The following ANKRD27 variants were observed in gnomAD, a reference collection of about 807,000 sequenced individuals.
The protein encoded by ANKRD27 is ankyrin repeat domain 27.
ANKRD27 carries 112 observed loss-of-function variants against 129.7 expected under a neutral mutation model. The observed-to-expected ratio is 0.86, with a 90% confidence interval of 0.74 to 1.01. The LOEUF (loss-of-function observed/expected upper bound fraction) is 1.01, where lower values mean the gene tolerates loss of function less well. Ranked by LOEUF, ANKRD27 falls within the 50% of genes least tolerant of loss-of-function variation. The pLI, the probability that ANKRD27 is intolerant of heterozygous loss-of-function variation, is 0.00. For missense variants in ANKRD27, 1,258 were observed against 1,300.5 expected, an observed-to-expected ratio of 0.97 and a Z score of 0.50; for synonymous variants, 516 against 511.2, an observed-to-expected ratio of 1.01 and a Z score of -0.13.
Position 32,640,304 on chromosome 19 carries a change from T to C in ANKRD27, c.983+3A>G. ...AAAAGAGTATCTTAAAAGAAAATGT[T>C]ACCAATTAGGGATCTCCGTTTTCAC... On this transcript the variant is annotated splice_donor_region_variant and intron_variant, in intron 11 of 28. Transcript: ENST00000306065. 6.2e-7 allele frequency: 1 copy of C among 1,612,584 alleles called. No individual in the cohort carries two copies. The highest frequency in any genetic ancestry group is 8.5e-7 in the Non-Finnish European group (1 of 1,178,770).
chr19:32,617,744 T>A (rs1971941428), intron 20 of ANKRD27, 111 bp from the exon 21 acceptor site: 4 of 501,944 alleles, frequency 8.0e-6, no homozygotes, highest in Non-Finnish European at 1.5e-5. Flanking sequence ...ACTTTTAACG[T>A]CTGATTTAGT....
chr19:32,659,129 TTTTC>T (rs1423934044), intron 1 of ANKRD27, 84 bp from the exon 2 acceptor site: 30 of 537,704 alleles, frequency 5.6e-5, no homozygotes, highest in Non-Finnish European at 8.6e-5. Context: ...GCATCTGGCA[TTTTC>T]TTTTTCTTTT....
intron 16 of ANKRD27, 86 bp downstream of exon 16, chr19:32,626,626 G>A: frequency 9.9e-7 from 1 of 1,009,234 alleles, no homozygotes. Context: ...GGGGTGCAGG[G>A]TAGCCAGCAT....
At chr19:32,621,801 T>C (rs12151311) in intron 18 of ANKRD27, among the ~76,000 whole-genome samples, 104,374 of 151,812 alleles carry the variant, frequency 0.69, 36,607 homozygotes, top group African/African-American at 0.83. Flanking sequence ...GTGCTCCCCC[T>C]GGTCAGTCTG....
At chr19:32,668,375 G>A (rs1003914480) in intron 1 of ANKRD27, among the ~76,000 whole-genome samples, 4 of 152,096 alleles carry the variant, frequency 2.6e-5, no homozygotes, top group African/African-American at 9.7e-5. Flanking sequence ...TGTTGCCCAG[G>A]CTGGTCTCAA....
Position 32,600,702 on chromosome 19 carries a change from T to C in ANKRD27, c.2768-652A>G, listed in dbSNP as rs148706401. Among the ~76,000 whole-genome samples, 69 of 152,250 alleles carry C rather than the reference T, an allele frequency of 4.5e-4. 1 individual carries two copies. The East Asian group carries it at 0.013, about 28-fold the overall frequency. ...CATTTGAGATAGGGGGTAGTCAGCCTGTATTATGAGAACCCCCATGAAATA... is the reference window on the plus strand; with the variant it reads ...CATTTGAGATAGGGGGTAGTCAGCCCGTATTATGAGAACCCCCATGAAATA... On this transcript the variant is annotated intron_variant, in intron 26 of 28. Coordinates refer to ENST00000306065, the MANE Select transcript of ANKRD27 (RefSeq NM_032139.3).
In ANKRD27 at chr19:32,605,846, G is replaced by A; in HGVS notation, c.2482C>T (p.Leu828=). The A allele has an allele frequency of 6.2e-7, 1 of 1,613,834 alleles. No individual in the cohort carries two copies. Among genetic ancestry groups the A allele is most frequent in the Non-Finnish European group, 8.5e-7 (1 of 1,179,826 alleles). The change falls in exon 24 of 29, where the codon CTG becomes TTG. Residue 828 remains leucine, a synonymous_variant. Transcript: ENST00000306065. ...CSGGHHELVA[L]LLQHGASINA... ...GAAGGGGCCCTCACCTGTAGCAGCA[G>A]TGCCACAAGCTCGTGATGGCCACCG... is the stretch of plus-strand genomic sequence containing the variant.
intron 3 of ANKRD27, among the ~76,000 whole-genome samples, chr19:32,649,350 C>T (rs959140945): frequency 2.6e-5 from 4 of 152,160 alleles, no homozygotes; most frequent in Non-Finnish European, 5.9e-5. Flanking sequence ...AAGCTTTTCA[C>T]GGCACTGGGA....
intron 8 of ANKRD27, 37 bp from the exon 9 acceptor site, chr19:32,643,236 A>T: frequency 6.2e-7 from 1 of 1,614,092 alleles, no homozygotes. Context: ...AAATTTCTCA[A>T]AAAGCACAGA....
intron 13 of ANKRD27, among the ~76,000 whole-genome samples, chr19:32,629,932 T>G (rs1237748199): frequency 6.6e-6 from 1 of 151,100 alleles, no homozygotes; most frequent in Non-Finnish European, 1.5e-5. Context: ...AAACAAGGTC[T>G]TGCTATGTTG....
chr19:32,642,208 C>G (rs1407235217), intron 9 of ANKRD27, 63 bp from the exon 10 acceptor site: 9 of 1,359,762 alleles, frequency 6.6e-6, no homozygotes, highest in Non-Finnish European at 7.7e-6. Flanking sequence ...TGGCCTGGAT[C>G]TAAGAACACA....
chr19:32,629,656 C>T (rs993294704), intron 13 of ANKRD27, among the ~76,000 whole-genome samples: 1 of 151,984 alleles, frequency 6.6e-6, no homozygotes. Context: ...ACCAAGATCG[C>T]ACCATTACAC....
Position 32,649,668 on chromosome 19 carries a change from C to T in ANKRD27, c.213+14G>A. The stretch of plus-strand genomic sequence containing the variant: ...GAGTAGGTGACCCTGGCTGATCCAC[C>T]AAGAAATGAATACCTTTCCATTTAA... On this transcript the variant is annotated intron_variant, in intron 3 of 28. Coordinates refer to ENST00000306065, the MANE Select transcript of ANKRD27 (RefSeq NM_032139.3). The T allele has an allele frequency of 6.3e-7, 1 of 1,581,158 alleles. No homozygotes were observed. Among genetic ancestry groups the T allele is most frequent in the Non-Finnish European group, 8.7e-7 (1 of 1,150,308 alleles).
chr19:32,662,438 TCAAGAGGTCTTA>T (rs1170997728), intron 1 of ANKRD27, among the ~76,000 whole-genome samples: 77 of 151,788 alleles, frequency 5.1e-4, no homozygotes, highest in Non-Finnish European at 1.1e-3. Flanking sequence ...AGTGTCAGCT[TCAAGAGGTCTTA>T]CAGGGGCTGG....
chr19:32,638,944 C>T, intron 12 of ANKRD27: 1 of 297,850 alleles, frequency 3.4e-6, no homozygotes, highest in Non-Finnish European at 6.2e-6. Flanking sequence ...ATGAGCCCAG[C>T]AGGCCCGAAC....
chr19:32,598,056 C>T lies in ANKRD27; in HGVS notation c.*89G>A. On this transcript the variant is annotated 3_prime_UTR_variant, in exon 29 of 29. Transcript: ENST00000306065. ...ACTTCTCAAGCCAGTCTCATGGAAG[C>T]ACATTTAGTTCTCAGATGTGTTCAC... The T allele has an allele frequency of 8.2e-7, 1 of 1,224,804 alleles. No homozygotes were observed. Among genetic ancestry groups the T allele is most frequent in the Non-Finnish European group, 1.2e-6 (1 of 842,860 alleles). 75.9% of individuals were successfully genotyped at this position (1,224,804 alleles called of 1,614,324 possible). A position where few individuals can be genotyped will look rare whatever the true frequency, so the allele number is the denominator to read the frequency against.
chr19:32,641,297 T>G (rs731672), intron 10 of ANKRD27, among the ~76,000 whole-genome samples: 107,030 of 151,798 alleles, frequency 0.71, 38,395 homozygotes, highest in African/African-American at 0.84. Flanking sequence ...GGAGGTGGCT[T>G]CAGTGATAAA....
At chr19:32,656,062 A>G (rs201803942) in intron 2 of ANKRD27, among the ~76,000 whole-genome samples, 19 of 41,808 alleles carry the variant, frequency 4.5e-4, no homozygotes, top group African/African-American at 1.5e-3. Flanking sequence ...AAGAAAGAAA[A>G]GAAAGAAAGA....
In ANKRD27 at chr19:32,628,729, C is replaced by T. The variant is rs746397621; in HGVS notation, c.1330G>A (p.Val444Ile). The T allele has an allele frequency of 6.2e-6, 10 of 1,613,790 alleles. No homozygotes were observed. Among genetic ancestry groups the T allele is most frequent in the African/African-American group, 1.3e-5 (1 of 74,902 alleles). The change falls in exon 14 of 29, where the codon GTC (valine) becomes ATC (isoleucine). Residue 444 changes from valine to isoleucine, a missense_variant. Coordinates refer to ENST00000306065, the MANE Select transcript of ANKRD27 (RefSeq NM_032139.3). ...LCFCDDCEKLVSGRLNDPSVV... is the reference protein window; with the variant it reads ...LCFCDDCEKLISGRLNDPSVV... ...CCACCAGCACCCTCTTACCCAGAGACGAGTTTCTCACAGTCATCGCAGAAG... is the reference window on the plus strand; with the variant it reads ...CCACCAGCACCCTCTTACCCAGAGATGAGTTTCTCACAGTCATCGCAGAAG...
Sources: gnomAD v4.1 joint callset for allele counts (sites outside exome capture counted in the v4.1 genomes callset) on GRCh38, gnomAD v4.1.1 for gene constraint, MANE v1.5 for transcripts, NCBI Gene and HGNC (gene_info 2026-07-23, HGNC 2026-07-21) for gene names.